RPS5: variants seen among roughly 807,000 people sequenced by gnomAD.
The protein encoded by RPS5 is small ribosomal subunit protein uS7.
RPS5 carries 2 observed loss-of-function variants against 20.9 expected under a neutral mutation model. The observed-to-expected ratio is 0.10, with a 90% confidence interval of 0.04 to 0.30. RPS5 has a LOEUF of 0.30. Among genes scored for constraint, RPS5 ranks in the 10% least tolerant of loss-of-function variants. The pLI is 1.00. For synonymous variants in RPS5, 112 were observed against 105.8 expected, an observed-to-expected ratio of 1.06 and a Z score of -0.36; for missense variants, 122 against 287.2, an observed-to-expected ratio of 0.42 and a Z score of 4.16.
chr19:58,393,585 T>C, intron 4 of RPS5, 98 bp downstream of exon 4: 3 of 1,439,454 alleles, frequency 2.1e-6, no homozygotes, highest in East Asian at 2.4e-5. Flanking sequence ...TCTGCATGTT[T>C]TACCTGCAGC....
rs766106173 is a variant in RPS5, at chr19:58,393,066, C to G, written c.199C>G (p.Pro67Ala). Residue 67 changes from proline (P) to alanine (A), a missense_variant, in exon 3 of 6, where the codon CCC becomes GCC. Physicochemically the swap from Pro to Ala is conservative, Grantham distance 27 (BLOSUM62 -1). Transcript: ENST00000196551. ...CAAACGCTTCCGCAAAGCTCAGTGT[C>G]CCATTGTGGAGCGCCTCACTAACTC... is the stretch of plus-strand genomic sequence containing the variant. ...AAKRFRKAQC[P>A]IVERLTNSMM... 1.2e-5 allele frequency: 19 copies of G among 1,614,096 alleles called. No homozygotes were observed. In the South Asian group the frequency reaches 2.1e-4, roughly 18 times the overall value.
intron 2 of RPS5, among the ~76,000 whole-genome samples, chr19:58,389,598 A>C (rs980979809): frequency 2.0e-5 from 3 of 152,040 alleles, no homozygotes; most frequent in Non-Finnish European, 4.4e-5. Context: ...GGGGTCCAAA[A>C]ACATTTTAAA....
At chr19:58,387,686 C>A in intron 1 of RPS5, 1 of 172,604 alleles carries the variant, frequency 5.8e-6, no homozygotes, top group Non-Finnish European at 1.3e-5. Flanking sequence ...AGAATCGAAA[C>A]CTTTGGGTTG....
At chr19:58,391,455 G>A (rs1047303757) in intron 2 of RPS5, among the ~76,000 whole-genome samples, 11 of 122,170 alleles carry the variant, frequency 9.0e-5, no homozygotes, top group African/African-American at 4.6e-4. Flanking sequence ...AAAAAAAACT[G>A]GGCTGAGCAT....
In RPS5 at chr19:58,387,284, C is replaced by A. The variant is rs1599931687; in HGVS notation, c.-57C>A. The stretch of plus-strand genomic sequence containing the variant: ...GGCGCGCGGCCTCTTCCTGTCTGTA[C>A]CAGGGCGGCGCGTGGTCTACGCCGA... On this transcript the variant is annotated 5_prime_UTR_variant, in exon 1 of 6. Coordinates refer to ENST00000196551, the MANE Select transcript of RPS5 (RefSeq NM_001009.4). 2.0e-5 allele frequency: 3 copies of A among 152,372 alleles called. No individual in the cohort carries two copies. Among genetic ancestry groups the A allele is most frequent in the Admixed American group, 6.5e-5 (1 of 15,302 alleles). 9.4% of individuals were successfully genotyped at this position (152,372 alleles called of 1,614,324 possible).
chr19:58,394,640 G>GT, intron 5 of RPS5, 42 bp from the exon 6 acceptor site: 1 of 1,613,888 alleles, frequency 6.2e-7, no homozygotes, highest in Non-Finnish European at 8.5e-7. Flanking sequence ...TTGGGCATTT[G>GT]TGGGGGTCCT....
intron 2 of RPS5, among the ~76,000 whole-genome samples, chr19:58,391,661 T>G (rs962696251): frequency 6.6e-6 from 1 of 150,950 alleles, no homozygotes; most frequent in Non-Finnish European, 1.5e-5. Flanking sequence ...TGCAGTGGCT[T>G]ATGCCTGTAA....
At chr19:58,392,893 C>A in intron 2 of RPS5, 83 bp from the exon 3 acceptor site, 1 of 1,331,980 alleles carries the variant, frequency 7.5e-7, no homozygotes. Flanking sequence ...CGAATGGGTA[C>A]TTGATCTCTC....
At chr19:58,391,325 A>G (rs1442341710) in intron 2 of RPS5, among the ~76,000 whole-genome samples, 2 of 149,432 alleles carry the variant, frequency 1.3e-5, no homozygotes, top group Non-Finnish European at 3.0e-5. Flanking sequence ...CCAGCTACTT[A>G]GGAGGCTGAT....
At chr19:58,391,643 C>T (rs1329479204) in intron 2 of RPS5, among the ~76,000 whole-genome samples, 2 of 151,382 alleles carry the variant, frequency 1.3e-5, no homozygotes, top group Non-Finnish European at 2.9e-5. Flanking sequence ...AAAAAGTTCT[C>T]AGCCAGGTGC....
intron 4 of RPS5, chr19:58,393,689 CTTCT>C (rs1346701263): frequency 3.3e-6 from 2 of 600,500 alleles, no homozygotes; most frequent in East Asian, 2.9e-5. Flanking sequence ...TGGCAGAGGT[CTTCT>C]TTCTTTCCTT....
Position 58,394,767 on chromosome 19 carries a change from C to G in RPS5, c.*17C>G, listed in dbSNP as rs2052386161. 1 of 1,613,400 alleles carries G rather than the reference C, an allele frequency of 6.2e-7. No homozygotes were observed. Among genetic ancestry groups the G allele is most frequent in the African/African-American group, 1.3e-5 (1 of 74,854 alleles). On this transcript the variant is annotated 3_prime_UTR_variant, in exon 6 of 6. Transcript: ENST00000196551. ...AACCGCTGATTTTCCCAGCTGCTGC[C>G]CAATAAACCTGTCTGCCCTTTGGGG...
In RPS5 at chr19:58,393,051, C is replaced by T. The variant is rs1352673835; in HGVS notation, c.184C>T (p.Arg62Cys). The T allele has an allele frequency of 6.2e-7, 1 of 1,614,062 alleles. No individual in the cohort carries two copies. Among genetic ancestry groups the T allele is most frequent in the East Asian group, 2.2e-5 (1 of 44,904 alleles). The change falls in exon 3 of 6, where the codon CGC becomes TGC. Residue 62 changes from arginine to cysteine, a missense_variant. Arg to Cys is a radical substitution (Grantham distance 180). Coordinates refer to ENST00000196551, the MANE Select transcript of RPS5 (RefSeq NM_001009.4). The stretch of plus-strand genomic sequence containing the variant: ...AGGGCGGTATGCCGCCAAACGCTTC[C>T]GCAAAGCTCAGTGTCCCATTGTGGA... ...SAGRYAAKRF[R>C]KAQCPIVERL...
intron 4 of RPS5, chr19:58,394,055 C>G (rs1270728869): frequency 1.1e-5 from 2 of 176,692 alleles, no homozygotes; most frequent in Non-Finnish European, 2.4e-5. Context: ...GTCCCCTCAG[C>G]CTCCCAAAGT....
intron 2 of RPS5, among the ~76,000 whole-genome samples, chr19:58,389,856 C>T (rs1001321590): frequency 2.0e-5 from 3 of 151,062 alleles, no homozygotes; most frequent in South Asian, 2.1e-4. Context: ...AGGCTGGTCT[C>T]GAACTCCTGA....
chr19:58,393,091 C>A lies in RPS5; in HGVS notation c.224C>A (p.Ser75Tyr). 1 of 1,614,262 alleles carries A rather than the reference C, an allele frequency of 6.2e-7. No individual in the cohort carries two copies. Among genetic ancestry groups the A allele is most frequent in the Non-Finnish European group, 8.5e-7 (1 of 1,180,056 alleles). Residue 75 changes from serine (S) to tyrosine (Y), a missense_variant, in exon 3 of 6, where the codon TCC becomes TAC. Around this residue, in one of 6 missense-constraint regions of RPS5, gnomAD observed 49 missense variants for 64.9 expected, o/e 0.75. Transcript: ENST00000196551. ...CCCATTGTGGAGCGCCTCACTAACT[C>A]CATGATGATGCACGGCCGCAACAAC... The part of the protein sequence containing the change: ...QCPIVERLTN[S>Y]MMMHGRNNGK...
intron 2 of RPS5, 126 bp downstream of exon 2, chr19:58,388,371 C>G (rs1157584095): frequency 1.5e-6 from 1 of 683,406 alleles, no homozygotes. Flanking sequence ...AGAAGGGATC[C>G]CTTGACCACC....
At chr19:58,391,472 G>C (rs537519331) in intron 2 of RPS5, among the ~76,000 whole-genome samples, 1 of 146,678 alleles carries the variant, frequency 6.8e-6, no homozygotes, top group African/African-American at 2.6e-5. Flanking sequence ...GCATGGTGAC[G>C]CATGTCTGTA....
At chr19:58,388,579 G>T in intron 2 of RPS5, 2 of 300,900 alleles carry the variant, frequency 6.6e-6, no homozygotes, top group Admixed American at 4.9e-5. Flanking sequence ...CTAAAGAGAT[G>T]TTTTTTTTCC....
Sources: gnomAD v4.1 joint callset for allele counts (sites outside exome capture counted in the v4.1 genomes callset) on GRCh38, gnomAD v4.1.1 for gene constraint, gnomAD v4.1.1 regional missense constraint, MANE v1.5 for transcripts, NCBI Gene and HGNC (gene_info 2026-07-23, HGNC 2026-07-21) for gene names.